NAV2: variants seen among roughly 807,000 people sequenced by gnomAD.
The protein encoded by NAV2 is helicase, APC down-regulated 1.
Under a neutral mutation model 223.2 loss-of-function variants are expected in NAV2, and 54 were observed. The ratio of observed to expected loss-of-function variants is 0.24; its 90% CI spans 0.19 to 0.30. NAV2 has a LOEUF of 0.30. Among genes scored for constraint, NAV2 ranks in the 10% least tolerant of loss-of-function variants. The pLI, the probability that NAV2 is intolerant of heterozygous loss-of-function variation, is 1.00. For missense variants in NAV2, 2,806 were observed against 3,147.5 expected, an observed-to-expected ratio of 0.89 and a Z score of 2.60; for synonymous variants, 1,279 against 1,239.3, an observed-to-expected ratio of 1.03 and a Z score of -0.67.
intron 1 of NAV2, among the ~76,000 whole-genome samples, chr11:19,803,185 C>T (rs1352150983): frequency 6.6e-6 from 1 of 152,134 alleles, no homozygotes; most frequent in Non-Finnish European, 1.5e-5. Flanking sequence ...CAAAATATTC[C>T]CAGGTGGGCA....
At chr11:19,871,984 A>C (rs2062539728) in intron 4 of NAV2, among the ~76,000 whole-genome samples, 1 of 152,164 alleles carries the variant, frequency 6.6e-6, no homozygotes. Flanking sequence ...CCAAAATGAC[A>C]TTCTGTCATC....
chr11:19,669,946 C>CAACATACTCAGGAAAAAG (rs2048531994), intron 1 of NAV2, among the ~76,000 whole-genome samples: 1 of 152,170 alleles, frequency 6.6e-6, no homozygotes, highest in Non-Finnish European at 1.5e-5. Flanking sequence ...TAATCATATG[C>CAACATACTCAGGAAAAAG]CCTGCATACA....
chr11:19,803,866 G>A (rs1169941422), intron 1 of NAV2, among the ~76,000 whole-genome samples: 5 of 152,194 alleles, frequency 3.3e-5, no homozygotes, highest in Admixed American at 1.3e-4. Flanking sequence ...CCTCTGCCTC[G>A]CCCCATCTGT....
chr11:20,025,793 A>C (rs1233259426), intron 11 of NAV2, among the ~76,000 whole-genome samples: 1 of 152,194 alleles, frequency 6.6e-6, no homozygotes, highest in Non-Finnish European at 1.5e-5. Context: ...CCCCTAGGAC[A>C]CTATCCATTT....
At chr11:19,789,753 G>A (rs1341150435) in intron 1 of NAV2, among the ~76,000 whole-genome samples, 3 of 152,184 alleles carry the variant, frequency 2.0e-5, no homozygotes. Context: ...AAATAGCATG[G>A]CACTGTTTTG....
At chr11:19,493,381 G>A (rs2042693097) in intron 1 of NAV2, among the ~76,000 whole-genome samples, 1 of 152,176 alleles carries the variant, frequency 6.6e-6, no homozygotes, top group Non-Finnish European at 1.5e-5. Flanking sequence ...AAACTTAGGA[G>A]AGAGACACGC....
intron 1 of NAV2, among the ~76,000 whole-genome samples, chr11:19,480,164 A>G (rs964996405): frequency 6.6e-6 from 1 of 152,210 alleles, no homozygotes; most frequent in African/African-American, 2.4e-5. Flanking sequence ...GTTAAACAAA[A>G]TTAAGCAGGT....
At position 20,055,782 on chromosome 11, in the gene NAV2, T is replaced by C; in HGVS notation, c.4656T>C (p.Thr1552=). 1 of 1,614,012 alleles carries C rather than the reference T, an allele frequency of 6.2e-7. No individual in the cohort carries two copies. Among genetic ancestry groups the C allele is most frequent in the Non-Finnish European group, 8.5e-7 (1 of 1,179,902 alleles). ...FNFSQLASPT[T]VTQMSLSNPT... Reference sequence around the variant, plus strand: ...CTTTTATTCCAGCGAGTCCCACCACTGTCACCCAGATGAGCTTGTCCAACC... The same window carrying C: ...CTTTTATTCCAGCGAGTCCCACCACCGTCACCCAGATGAGCTTGTCCAACC... Residue 1552 remains threonine (T), a synonymous_variant, in exon 19 of 38, where the codon ACT becomes ACC. Transcript: ENST00000349880.
chr11:20,040,993 A>G (rs970196070), intron 12 of NAV2, among the ~76,000 whole-genome samples: 2 of 152,130 alleles, frequency 1.3e-5, no homozygotes, highest in Non-Finnish European at 2.9e-5. Context: ...TGTTCTTTCC[A>G]GAGAGAGAAA....
intron 1 of NAV2, among the ~76,000 whole-genome samples, chr11:19,613,127 C>T (rs530309867): frequency 1.5e-3 from 227 of 152,158 alleles, no homozygotes; most frequent in African/African-American, 4.5e-3. Flanking sequence ...TGGGAAAGAC[C>T]GGCCCCCATG....
At chr11:19,470,751 G>C (rs2041938998) in intron 1 of NAV2, among the ~76,000 whole-genome samples, 1 of 152,140 alleles carries the variant, frequency 6.6e-6, no homozygotes, top group Admixed American at 6.5e-5. Context: ...AGCAATAATT[G>C]TTTCAATTCT....
At chr11:20,044,907 C>A in intron 13 of NAV2, 61 bp from the exon 14 acceptor site, 2 of 1,424,872 alleles carry the variant, frequency 1.4e-6, no homozygotes, top group Admixed American at 2.1e-5. Context: ...GCATCTTAAA[C>A]AGACGAGATG....
intron 1 of NAV2, among the ~76,000 whole-genome samples, chr11:19,804,265 G>A (rs764237316): frequency 1.3e-5 from 2 of 152,174 alleles, no homozygotes; most frequent in Non-Finnish European, 1.5e-5. Context: ...GTCACCAAAC[G>A]TATGTCTAGT....
chr11:20,079,823 A>G (rs2059977185), intron 24 of NAV2, among the ~76,000 whole-genome samples: 1 of 151,964 alleles, frequency 6.6e-6, no homozygotes, highest in Admixed American at 6.6e-5. Flanking sequence ...TTCTCCCTAC[A>G]CCTCCCTTGA....
At chr11:19,385,753 C>CTTTTTTTTTTTTTTTTTTTTTTTTTTTT (rs201669772) in intron 1 of NAV2, among the ~76,000 whole-genome samples, 1 of 112,770 alleles carries the variant, frequency 8.9e-6, no homozygotes, top group Non-Finnish European at 1.8e-5. Flanking sequence ...AATATAGCTC[C>CTTTTTTTTTTTTTTTTTTTTTTTTTTTT]TTTTTTTTTT....
intron 1 of NAV2, among the ~76,000 whole-genome samples, chr11:19,502,245 AC>A (rs1421670181): frequency 1.3e-5 from 2 of 152,200 alleles, no homozygotes. Flanking sequence ...CAACTATATG[AC>A]CTTTGGCAAA....
At chr11:19,702,519 C>G (rs916608576) in intron 1 of NAV2, among the ~76,000 whole-genome samples, 1 of 152,146 alleles carries the variant, frequency 6.6e-6, no homozygotes, top group African/African-American at 2.4e-5. Flanking sequence ...GCACACACAC[C>G]TGTAATCACA....
At chr11:19,843,160 T>C (rs919607448) in intron 3 of NAV2, among the ~76,000 whole-genome samples, 4 of 152,252 alleles carry the variant, frequency 2.6e-5, no homozygotes, top group African/African-American at 9.6e-5. Flanking sequence ...AATATTGTCC[T>C]TGTTCTTAGA....
At chr11:20,047,707 G>A (rs1591832894) in intron 14 of NAV2, among the ~76,000 whole-genome samples, 1 of 152,300 alleles carries the variant, frequency 6.6e-6, no homozygotes, top group South Asian at 2.1e-4. Flanking sequence ...CTGTAGTAAG[G>A]ATTGATTGAT....
Sources: allele counts gnomAD v4.1 joint callset (sites outside exome capture counted in the v4.1 genomes callset), GRCh38; gene constraint gnomAD v4.1.1; transcripts MANE v1.5; gene names NCBI Gene and HGNC (gene_info 2026-07-23, HGNC 2026-07-21).